Variants in CPAMD8 observed in about 807,000 individuals in gnomAD.
The protein encoded by CPAMD8 is C3 and PZP-like alpha-2-macroglobulin domain-containing protein 8.
CPAMD8 carries 146 observed loss-of-function variants against 224.7 expected under a neutral mutation model. The ratio of observed to expected loss-of-function variants is 0.65; its 90% CI spans 0.57 to 0.75. The LOEUF (loss-of-function observed/expected upper bound fraction) is 0.75. CPAMD8 is among the 30% of genes least tolerant of loss of function. The pLI is 0.00. For missense variants in CPAMD8, 2,301 were observed against 2,537.5 expected, an observed-to-expected ratio of 0.91 and a Z score of 2.00; for synonymous variants, 966 against 1,044.6, an observed-to-expected ratio of 0.92 and a Z score of 1.45.
intron 7 of CPAMD8, 108 bp downstream of exon 7, chr19:17,008,397 G>A: frequency 3.7e-6 from 5 of 1,356,654 alleles, no homozygotes; most frequent in Non-Finnish European, 5.1e-6. Flanking sequence ...CCTCCAGCTG[G>A]AGCAGCAGTG....
chr19:16,981,781 G>A (rs1044731881), intron 13 of CPAMD8, among the ~76,000 whole-genome samples: 1 of 152,232 alleles, frequency 6.6e-6, no homozygotes, highest in African/African-American at 2.4e-5. Flanking sequence ...GATATCTGGA[G>A]TAGGGGAAGA....
intron 20 of CPAMD8, among the ~76,000 whole-genome samples, chr19:16,947,996 A>G (rs939302076): frequency 1.3e-5 from 2 of 152,126 alleles, no homozygotes; most frequent in African/African-American, 4.8e-5. Flanking sequence ...GCATATGTAT[A>G]CCATGATGAC....
intron 19 of CPAMD8, among the ~76,000 whole-genome samples, chr19:16,955,983 C>A (rs953427549): frequency 3.9e-5 from 6 of 152,116 alleles, no homozygotes; most frequent in Non-Finnish European, 1.5e-5. Flanking sequence ...CGCCTTTAAA[C>A]GGGTGTGGTT....
At chr19:16,934,135 C>G (rs1196588287) in intron 23 of CPAMD8, among the ~76,000 whole-genome samples, 1 of 152,138 alleles carries the variant, frequency 6.6e-6, no homozygotes, top group Non-Finnish European at 1.5e-5. Context: ...AACTAATCTA[C>G]AGAGACAGAA....
At chr19:16,895,781 T>G (rs1448347751) in intron 41 of CPAMD8, 1 of 404,842 alleles carries the variant, frequency 2.5e-6, no homozygotes, top group Non-Finnish European at 5.0e-6. Flanking sequence ...ATGCTGAACC[T>G]TAGCTAACTA....
chr19:16,893,391 G>T, intron 41 of CPAMD8, 52 bp from the exon 42 acceptor site: 2 of 1,287,950 alleles, frequency 1.6e-6, no homozygotes, highest in Non-Finnish European at 2.1e-6. Context: ...TGGGCACGGG[G>T]CCTCGGGCTG....
chr19:16,931,149 T>C (rs1331635850), intron 23 of CPAMD8, among the ~76,000 whole-genome samples: 1 of 152,192 alleles, frequency 6.6e-6, no homozygotes, highest in African/African-American at 2.4e-5. Flanking sequence ...GTAGCAAGGC[T>C]GAACCCGAGC....
chr19:16,993,738 G>A (rs1437930613), intron 11 of CPAMD8, 152 bp from the exon 12 acceptor site: 2 of 713,046 alleles, frequency 2.8e-6, no homozygotes, highest in East Asian at 2.7e-5. Flanking sequence ...ATCGCAACGA[G>A]TTCCAAATCG....
Position 16,975,161 on chromosome 19 carries a change from C to T in CPAMD8, c.2006G>A (p.Arg669His), listed in dbSNP as rs373430308. 47 of 1,612,400 alleles carry T rather than the reference C, an allele frequency of 2.9e-5. No individual in the cohort carries two copies. Among genetic ancestry groups the T allele is most frequent in the South Asian group, 3.3e-5 (3 of 90,624 alleles). Residue 669 changes from arginine to histidine, a missense_variant, in exon 17 of 42, where the codon CGC (arginine) becomes CAC (histidine). Physicochemically the swap from Arg to His is conservative, Grantham distance 29 (BLOSUM62 0). Transcript: ENST00000443236. ...FWWAGLTAQRRRRSSVFPWPW... is the reference protein window; with the variant it reads ...FWWAGLTAQRHRRSSVFPWPW... Reference sequence around the variant, plus strand: ...CCACGGGAAGACAGAGGAGCGCCGGCGTCGTTGTGCCGTCAGCCCAGCCCA... The same window carrying T: ...CCACGGGAAGACAGAGGAGCGCCGGTGTCGTTGTGCCGTCAGCCCAGCCCA...
At chr19:17,004,914 G>T (rs561718376) in intron 7 of CPAMD8, among the ~76,000 whole-genome samples, 82 of 151,824 alleles carry the variant, frequency 5.4e-4, no homozygotes, top group African/African-American at 1.9e-3. Flanking sequence ...ATCGCCCCTA[G>T]GGGGCAAAAT....
intron 27 of CPAMD8, among the ~76,000 whole-genome samples, chr19:16,921,205 C>T (rs1431550149): frequency 6.6e-6 from 1 of 152,132 alleles, no homozygotes; most frequent in Non-Finnish European, 1.5e-5. Flanking sequence ...TCCCTGGGAT[C>T]CTGGCACTGT....
At chr19:16,982,966 C>T (rs1028472284) in intron 13 of CPAMD8, among the ~76,000 whole-genome samples, 1 of 152,280 alleles carries the variant, frequency 6.6e-6, no homozygotes, top group African/African-American at 2.4e-5. Context: ...GAATGAGTCT[C>T]GTGAGATCTG....
At chr19:17,021,275 C>T (rs1244910330) in intron 2 of CPAMD8, among the ~76,000 whole-genome samples, 1 of 152,116 alleles carries the variant, frequency 6.6e-6, no homozygotes, top group African/African-American at 2.4e-5. Context: ...TTGCAGAAGC[C>T]AACTGGGTTG....
chr19:17,021,189 G>A (rs1249788035), intron 2 of CPAMD8, among the ~76,000 whole-genome samples: 9 of 152,206 alleles, frequency 5.9e-5, no homozygotes, highest in Admixed American at 3.9e-4. Flanking sequence ...AGACCTGGTT[G>A]CATCAAGAGG....
intron 27 of CPAMD8, among the ~76,000 whole-genome samples, chr19:16,915,866 T>G (rs867989385): frequency 2.6e-5 from 4 of 150,988 alleles, no homozygotes; most frequent in African/African-American, 7.3e-5. Flanking sequence ...CCCTCTTCCT[T>G]TCTTCTTTCT....
chr19:16,965,209 G>A (rs1158993827), intron 18 of CPAMD8, among the ~76,000 whole-genome samples: 9 of 151,838 alleles, frequency 5.9e-5, no homozygotes, highest in Non-Finnish European at 1.2e-4. Context: ...GCAGTGAGCC[G>A]ATATCGCACC....
At position 17,026,645 on chromosome 19, in the gene CPAMD8, T is replaced by C. The variant is rs966854325; in HGVS notation, c.-3A>G. ...GGCCAGAGCAGGGCGCCGCTCATTT[T>C]TCGGCTCCTGGGGGGCGCCGCGCCT... On this transcript the variant is annotated 5_prime_UTR_variant, in exon 1 of 42. Transcript: ENST00000443236. 15 of 1,438,228 alleles carry C rather than the reference T, an allele frequency of 1.0e-5. No homozygotes were observed. In the Admixed American group the frequency reaches 1.4e-4, roughly 13 times the overall value. The allele number at this position is 1,438,228 out of a possible 1,614,324, so 89.1% of individuals were successfully genotyped here.
intron 23 of CPAMD8, among the ~76,000 whole-genome samples, chr19:16,930,255 CAAAAAAAAAAG>C (rs1476098524): frequency 1.5e-4 from 19 of 126,582 alleles, no homozygotes; most frequent in South Asian, 7.6e-4. Flanking sequence ...AACTCCATCT[CAAAAAAAAAAG>C]AAAAAAAAAA....
At chr19:16,902,258 T>C (rs953008533) in intron 35 of CPAMD8, among the ~76,000 whole-genome samples, 2 of 152,068 alleles carry the variant, frequency 1.3e-5, no homozygotes, top group Admixed American at 1.3e-4. Context: ...GGCTCACACC[T>C]GTAATCCCAG....
Sources: allele counts gnomAD v4.1 joint callset (sites outside exome capture counted in the v4.1 genomes callset), GRCh38; gene constraint gnomAD v4.1.1; transcripts MANE v1.5; gene names NCBI Gene and HGNC (gene_info 2026-07-23, HGNC 2026-07-21).